PCDHAC1: variants seen among roughly 807,000 people sequenced by gnomAD.
PCDHAC1 encodes the protein protocadherin alpha subfamily C, 1.
A neutral mutation model predicts 60.0 loss-of-function variants in PCDHAC1; 42 were observed. The ratio of observed to expected loss-of-function variants is 0.70; its 90% CI spans 0.55 to 0.90. The LOEUF is 0.90. Ranked by LOEUF, PCDHAC1 falls within the 40% of genes least tolerant of loss-of-function variation. The probability of loss-of-function intolerance (pLI) is 0.00; values close to 1 mark genes in which losing one functional copy is unlikely to be tolerated. For synonymous variants in PCDHAC1, 468 were observed against 499.3 expected (o/e 0.94, Z 0.84); for missense variants, 1,160 against 1,222.3 (o/e 0.95, Z 0.76).
At chr5:140,978,473 T>C (rs1401475037) in intron 1 of PCDHAC1, among the ~76,000 whole-genome samples, 1 of 152,238 alleles carries the variant, frequency 6.6e-6, no homozygotes, top group Non-Finnish European at 1.5e-5. Flanking sequence ...TCAAATATGC[T>C]GCAGTCTGCA....
rs150382315 is a variant in PCDHAC1, at chr5:140,929,255, G to A, written c.2363G>A (p.Gly788Glu). 5.2e-5 allele frequency: 84 copies of A among 1,613,256 alleles called. No homozygotes were observed. In the South Asian group the frequency reaches 8.9e-4, roughly 17 times the overall value. Residue 788 changes from glycine to glutamate, a missense_variant, in exon 1 of 4, where the codon GGA becomes GAA. Gly to Glu is a moderately conservative substitution (Grantham distance 98). Around this residue, in one of 3 missense-constraint regions of PCDHAC1, gnomAD observed 1,113 missense variants for 1,163.7 expected, o/e 0.96. Coordinates refer to ENST00000253807, the MANE Select transcript of PCDHAC1 (RefSeq NM_018898.5). ...ADLRNLATGVGLNLPISCIQI... is the reference protein window; with the variant it reads ...ADLRNLATGVELNLPISCIQI... ...CTGCGAAATCTTGCCACTGGGGTAG[G>A]ACTGAATTTGCCAATATCCTGTATT...
At chr5:140,969,244 G>A (rs1345944804) in intron 1 of PCDHAC1, 2 of 1,614,088 alleles carry the variant, frequency 1.2e-6, no homozygotes, top group Non-Finnish European at 1.7e-6. Flanking sequence ...AAGCAGCAGT[G>A]ACTGACAGCA....
chr5:140,935,435 A>G (rs1268078110), intron 1 of PCDHAC1, among the ~76,000 whole-genome samples: 1 of 152,256 alleles, frequency 6.6e-6, no homozygotes, highest in Non-Finnish European at 1.5e-5. Context: ...TCAGCACTAC[A>G]GAAATAATAT....
chr5:140,926,708 C>T lies in PCDHAC1; in HGVS notation c.-185C>T. ...CTAGCAAGCCCGGCTCCCAGCTGGC[C>T]AGCCCCGGCAATGCCGGCGTTCGGG... On this transcript the variant is annotated 5_prime_UTR_variant, in exon 1 of 4. Coordinates refer to ENST00000253807, the MANE Select transcript of PCDHAC1 (RefSeq NM_018898.5). 2 of 896,260 alleles carry T rather than the reference C, an allele frequency of 2.2e-6. No individual in the cohort carries two copies. The highest frequency in any genetic ancestry group is 3.1e-6 in the Non-Finnish European group (2 of 645,134). The allele number at this position is 896,260 out of a possible 1,614,324, so 55.5% of individuals were successfully genotyped here.
At chr5:140,938,752 A>G (rs1213369856) in intron 1 of PCDHAC1, among the ~76,000 whole-genome samples, 1 of 152,146 alleles carries the variant, frequency 6.6e-6, no homozygotes, top group Non-Finnish European at 1.5e-5. Flanking sequence ...TTTTAAAGGC[A>G]TAGTTATTGG....
chr5:140,942,808 C>T (rs1175421349), intron 1 of PCDHAC1, among the ~76,000 whole-genome samples: 1 of 151,920 alleles, frequency 6.6e-6, no homozygotes, highest in East Asian at 1.9e-4. Context: ...TTTCCACAAA[C>T]TAGTTGGATT....
At chr5:140,989,656 A>T (rs2153884121) in intron 3 of PCDHAC1, among the ~76,000 whole-genome samples, 1 of 152,326 alleles carries the variant, frequency 6.6e-6, no homozygotes, top group Non-Finnish European at 1.5e-5. Context: ...GCAATATTTT[A>T]AAAGAAACTC....
intron 3 of PCDHAC1, among the ~76,000 whole-genome samples, chr5:140,994,883 A>G (rs1197020328): frequency 2.6e-5 from 4 of 152,222 alleles, no homozygotes; most frequent in Non-Finnish European, 5.9e-5. Context: ...AAGAGATGTT[A>G]GGAAATGAGA....
intron 1 of PCDHAC1, chr5:140,967,726 TG>T: frequency 6.2e-7 from 1 of 1,613,974 alleles, no homozygotes; most frequent in Non-Finnish European, 8.5e-7. Flanking sequence ...TGCGAGTAAT[TG>T]GGGGGCTGGA....
chr5:140,953,522 G>A (rs246031), intron 1 of PCDHAC1, among the ~76,000 whole-genome samples: 85,599 of 151,862 alleles, frequency 0.56, 24,738 homozygotes, highest in African/African-American at 0.69. Flanking sequence ...CAACAAAAAC[G>A]GGAAACTCAC....
chr5:140,968,422 G>C, intron 1 of PCDHAC1: 2 of 1,613,984 alleles, frequency 1.2e-6, no homozygotes, highest in Non-Finnish European at 1.7e-6. Context: ...TGGAGGCTCA[G>C]GACAAGGGGA....
chr5:141,001,378 C>T (rs889628264), intron 3 of PCDHAC1, among the ~76,000 whole-genome samples: 20 of 152,166 alleles, frequency 1.3e-4, no homozygotes, highest in African/African-American at 4.8e-4. Flanking sequence ...GATTACAGAG[C>T]CTAAGATCCT....
intron 1 of PCDHAC1, among the ~76,000 whole-genome samples, chr5:140,939,130 A>T (rs1183803741): frequency 6.6e-6 from 1 of 152,204 alleles, no homozygotes; most frequent in Admixed American, 6.5e-5. Context: ...TGGAAGCTGG[A>T]AAGTTGATGA....
rs2083562434 is a variant in PCDHAC1 at position 140,926,803 on chromosome 5, C to T, written c.-90C>T. On this transcript the variant is annotated 5_prime_UTR_variant, in exon 1 of 4. Coordinates refer to ENST00000253807, the MANE Select transcript of PCDHAC1 (RefSeq NM_018898.5). ...ACGGCCGGCAGGAGCGTGCTCTTCC[C>T]CGCGGCTCGTGCTCTCCAGGAGTCC... 1 of 1,454,300 alleles carries T rather than the reference C, an allele frequency of 6.9e-7. No individual in the cohort carries two copies. Among genetic ancestry groups the T allele is most frequent in the Non-Finnish European group, 9.0e-7 (1 of 1,107,188 alleles). The allele number at this position is 1,454,300 out of a possible 1,614,324, so 90.1% of individuals were successfully genotyped here.
chr5:140,928,508 T>G lies in PCDHAC1; in HGVS notation c.1616T>G (p.Val539Gly). 6.2e-7 allele frequency: 1 copy of G among 1,614,174 alleles called. No homozygotes were observed. The highest frequency in any genetic ancestry group is 8.5e-7 in the Non-Finnish European group (1 of 1,180,040). The change falls in exon 1 of 4, where the codon GTG becomes GGG. Residue 539 changes from valine (V) to glycine (G), a missense_variant. Physicochemically the swap from Val to Gly is moderately radical, Grantham distance 109. Coordinates refer to ENST00000253807, the MANE Select transcript of PCDHAC1 (RefSeq NM_018898.5). ...DGGIPPRSAT[V>G]TINLFVVDRN... Reference sequence around the variant, plus strand: ...GGCATTCCTCCCAGAAGTGCAACAGTGACTATAAACTTGTTTGTGGTAGAT... The same window carrying G: ...GGCATTCCTCCCAGAAGTGCAACAGGGACTATAAACTTGTTTGTGGTAGAT...
rs200493520 is a variant in PCDHAC1 at position 140,928,140 on chromosome 5, G to C, written c.1248G>C (p.Thr416=). 41 of 1,614,036 alleles carry C rather than the reference G, an allele frequency of 2.5e-5. No homozygotes were observed. Among genetic ancestry groups the C allele is most frequent in the Non-Finnish European group, 3.2e-5 (38 of 1,180,050 alleles). ...TCAGTGAATACCAAGTCCTGATCAC[G>C]GCCTCAGATAGTGGCTCACCCCCAC... The part of the protein sequence containing the change: ...EQISEYQVLI[T]ASDSGSPPLS... Residue 416 remains threonine, a synonymous_variant, in exon 1 of 4, where the codon ACG becomes ACC. Coordinates refer to ENST00000253807, the MANE Select transcript of PCDHAC1 (RefSeq NM_018898.5).
rs565071573 is a variant in PCDHAC1, at chr5:141,009,664, G to C, written c.2619G>C (p.Ala873=). 1.7e-4 allele frequency: 273 copies of C among 1,613,982 alleles called. 2 individuals are homozygous for C. In the South Asian group the frequency reaches 2.8e-3, roughly 17 times the overall value. ...GAGAAGTGTCCCCTCCAGTCGGTGC[G>C]GGTGTCAACAGCAACAGCTGGACCT... ...EAGEVSPPVG[A]GVNSNSWTFK... The change falls in exon 4 of 4, where the codon GCG becomes GCC. Residue 873 remains alanine, a synonymous_variant. Transcript: ENST00000253807.
In PCDHAC1 at chr5:140,944,181, G is replaced by A. The variant is rs112665762; in HGVS notation, c.2433+14856G>A. 4.3e-3 allele frequency among the ~76,000 whole-genome samples: 661 copies of A among 151,992 alleles called. 7 individuals are homozygous for A. Among genetic ancestry groups the A allele is most frequent in the African/African-American group, 0.015 (616 of 41,488 alleles). On this transcript the variant is annotated intron_variant, in intron 1 of 3. Coordinates refer to ENST00000253807, the MANE Select transcript of PCDHAC1 (RefSeq NM_018898.5). ...AAAGGGCCAAGGCTGGTTTTTTGTTGGTTTGTTTTGTTTTGTTTTGTTTTT... is the reference window on the plus strand; with the variant it reads ...AAAGGGCCAAGGCTGGTTTTTTGTTAGTTTGTTTTGTTTTGTTTTGTTTTT...
chr5:140,930,404 T>C (rs2086793049), intron 1 of PCDHAC1: 1 of 152,170 alleles, frequency 6.6e-6, no homozygotes, highest in African/African-American at 2.4e-5. Flanking sequence ...TTTTTTTTTT[T>C]TGAGACAGGG....
Sources: allele counts gnomAD v4.1 joint callset (sites outside exome capture counted in the v4.1 genomes callset), GRCh38; gene constraint gnomAD v4.1.1; regional missense constraint gnomAD v4.1.1; transcripts MANE v1.5; gene names NCBI Gene and HGNC (gene_info 2026-07-23, HGNC 2026-07-21).